Variants in PTPRQ observed in about 807,000 individuals in gnomAD.
PTPRQ encodes phosphatidylinositol phosphatase PTPRQ.
PTPRQ carries 199 observed loss-of-function variants against 246.0 expected under a neutral mutation model. That is an observed-to-expected ratio of 0.81 (90% CI 0.72 to 0.91). The LOEUF (loss-of-function observed/expected upper bound fraction) is 0.91. Ranked by LOEUF, PTPRQ falls within the 40% of genes least tolerant of loss-of-function variation. PTPRQ has a pLI of 0.00. For missense variants in PTPRQ, 2,624 were observed against 2,528.4 expected (o/e 1.04, Z -0.81); for synonymous variants, 869 against 853.2 (o/e 1.02, Z -0.32).
At chr12:80,540,396 T>G (rs1307477243) in intron 20 of PTPRQ, among the ~76,000 whole-genome samples, 1 of 152,126 alleles carries the variant, frequency 6.6e-6, no homozygotes, top group African/African-American at 2.4e-5. Flanking sequence ...ACTCCAGAAG[T>G]TTCTCGTATG....
chr12:80,578,636 G>T (rs868517259), intron 25 of PTPRQ, among the ~76,000 whole-genome samples: 1 of 151,962 alleles, frequency 6.6e-6, no homozygotes, highest in South Asian at 2.1e-4. Context: ...CTCGTGATCC[G>T]CCCGCCTTGG....
In PTPRQ at chr12:80,678,535, A is replaced by T. The variant is rs551440808; in HGVS notation, c.6739-67A>T. The T allele has an allele frequency of 5.5e-6, 8 of 1,446,522 alleles. No homozygotes were observed. In the East Asian group the frequency reaches 1.5e-4, roughly 28 times the overall value. 89.6% of individuals were successfully genotyped at this position (1,446,522 alleles called of 1,614,324 possible). ...ATTCAGTACTGCTTTTAGCTTTAACAATATAACTCCCTTTATGAAACTCTT... is the reference window on the plus strand; with the variant it reads ...ATTCAGTACTGCTTTTAGCTTTAACTATATAACTCCCTTTATGAAACTCTT... On this transcript the variant is annotated intron_variant, in intron 43 of 44. Transcript: ENST00000644991.
rs1370536859 is a variant in PTPRQ, at chr12:80,541,832, G to T, written c.3432G>T (p.Lys1144Asn). Residue 1144 changes from lysine to asparagine, a missense_variant, in exon 21 of 45, where the codon AAG (lysine) becomes AAT (asparagine). Lys to Asn is a moderately conservative substitution (Grantham distance 94). Coordinates refer to ENST00000644991, the MANE Select transcript of PTPRQ (RefSeq NM_001145026.2). ...SDTYTAQLYI[K>N]TEEDVPETSP... ...CCTATACTGCCCAGCTATACATCAA[G>T]ACTGAAGAAGATGGTAGGCTAGACC... 1.9e-6 allele frequency: 3 copies of T among 1,542,374 alleles called. No homozygotes were observed. The highest frequency in any genetic ancestry group is 2.4e-5 in the South Asian group (2 of 82,238).
chr12:80,528,036 A>G (rs1895740703), intron 17 of PTPRQ, among the ~76,000 whole-genome samples: 1 of 152,134 alleles, frequency 6.6e-6, no homozygotes, highest in Admixed American at 6.5e-5. Flanking sequence ...CGCTGCAGTG[A>G]GTTGTGATCA....
rs1898249349 is a variant in PTPRQ, at chr12:80,604,591, A to G, written c.4610-468A>G. On this transcript the variant is annotated intron_variant, in intron 26 of 44. Coordinates refer to ENST00000644991, the MANE Select transcript of PTPRQ (RefSeq NM_001145026.2). Reference sequence around the variant, plus strand: ...ACCCTCAGTGAAAACAATAAAATCAACTCAATTTACATTTGTAAAACAATA... The same window carrying G: ...ACCCTCAGTGAAAACAATAAAATCAGCTCAATTTACATTTGTAAAACAATA... Among the ~76,000 whole-genome samples the G allele has an allele frequency of 2.6e-5, 4 of 151,540 alleles. No homozygotes were observed. In the South Asian group the frequency reaches 8.3e-4, roughly 31 times the overall value.
intron 34 of PTPRQ, 142 bp downstream of exon 34, chr12:80,632,433 A>C (rs1386728561): frequency 2.5e-6 from 3 of 1,222,302 alleles, no homozygotes; most frequent in East Asian, 5.2e-5. Context: ...TGTATTTATC[A>C]TGTACAATAT....
Position 80,620,396 on chromosome 12 carries a change from A to G in PTPRQ, c.5612+20A>G. On this transcript the variant is annotated intron_variant, in intron 32 of 44. Coordinates refer to ENST00000644991, the MANE Select transcript of PTPRQ (RefSeq NM_001145026.2). ...ATACTTGTAAGTATAGGTTATATCT[A>G]CCATGCATTCTGTTAGCAAGCTAGT... 1 of 1,545,780 alleles carries G rather than the reference A, an allele frequency of 6.5e-7. No individual in the cohort carries two copies. Among genetic ancestry groups the G allele is most frequent in the Non-Finnish European group, 8.7e-7 (1 of 1,144,186 alleles).
At chr12:80,658,287 G>A (rs1900510775) in intron 39 of PTPRQ, among the ~76,000 whole-genome samples, 1 of 152,000 alleles carries the variant, frequency 6.6e-6, no homozygotes, top group East Asian at 1.9e-4. Flanking sequence ...CGCGGCAGAT[G>A]TTCAACTTCA....
chr12:80,603,418 C>A (rs1898207722), intron 26 of PTPRQ, among the ~76,000 whole-genome samples: 1 of 151,664 alleles, frequency 6.6e-6, no homozygotes, highest in African/African-American at 2.4e-5. Flanking sequence ...TTTAACGTAA[C>A]AATCAGGTAC....
At chr12:80,503,299 G>C (rs1281595245) in intron 14 of PTPRQ, among the ~76,000 whole-genome samples, 6 of 151,828 alleles carry the variant, frequency 4.0e-5, no homozygotes, top group African/African-American at 1.4e-4. Flanking sequence ...GGAAACACTA[G>C]AGAAGATTTA....
intron 34 of PTPRQ, chr12:80,634,645 G>A (rs1392248257): frequency 3.1e-5 from 8 of 258,942 alleles, no homozygotes; most frequent in East Asian, 2.5e-4. Context: ...AGATCACAAC[G>A]TAAGTCTTCT....
At chr12:80,601,359 G>A (rs567511404) in intron 26 of PTPRQ, among the ~76,000 whole-genome samples, 29 of 151,804 alleles carry the variant, frequency 1.9e-4, no homozygotes, top group African/African-American at 7.0e-4. Context: ...GTAAACTGTT[G>A]CTAAATGAAA....
intron 14 of PTPRQ, among the ~76,000 whole-genome samples, chr12:80,498,808 C>A (rs1285667890): frequency 6.6e-6 from 1 of 151,994 alleles, no homozygotes; most frequent in Non-Finnish European, 1.5e-5. Flanking sequence ...GTGGCCATAG[C>A]ATCAAGAACA....
At chr12:80,631,708 G>GA (rs1222396563) in intron 33 of PTPRQ, among the ~76,000 whole-genome samples, 2 of 152,164 alleles carry the variant, frequency 1.3e-5, no homozygotes, top group African/African-American at 4.8e-5. Context: ...TGTATTCTAT[G>GA]AAAGAGAGTC....
intron 35 of PTPRQ, among the ~76,000 whole-genome samples, chr12:80,635,850 C>G (rs1200258217): frequency 1.3e-5 from 2 of 152,124 alleles, no homozygotes; most frequent in East Asian, 1.9e-4. Context: ...CTTATAAGCA[C>G]AAAGTAGTTG....
At chr12:80,444,471 G>T (rs373778372) in intron 1 of PTPRQ, 72 bp downstream of exon 1, 15 of 908,752 alleles carry the variant, frequency 1.7e-5, no homozygotes, top group East Asian at 1.6e-4. Context: ...TTGAATAGTT[G>T]TTCCTTGTGA....
At chr12:80,602,428 G>T (rs938495297) in intron 26 of PTPRQ, among the ~76,000 whole-genome samples, 1 of 151,640 alleles carries the variant, frequency 6.6e-6, no homozygotes, top group East Asian at 1.9e-4. Context: ...TCAGAGACTT[G>T]GTAATTTGTA....
At chr12:80,531,383 T>G (rs1429969874) in intron 17 of PTPRQ, among the ~76,000 whole-genome samples, 7 of 152,132 alleles carry the variant, frequency 4.6e-5, no homozygotes, top group African/African-American at 1.7e-4. Flanking sequence ...TAAAACAGAT[T>G]TTAAAACTAA....
intron 8 of PTPRQ, among the ~76,000 whole-genome samples, chr12:80,476,050 T>C (rs1893800121): frequency 6.6e-6 from 1 of 150,904 alleles, no homozygotes; most frequent in African/African-American, 2.4e-5. Flanking sequence ...ATTAGCTGTT[T>C]TTTTTTTTTC....
Sources: gnomAD v4.1 joint callset for allele counts (sites outside exome capture counted in the v4.1 genomes callset) on GRCh38, gnomAD v4.1.1 for gene constraint, MANE v1.5 for transcripts, NCBI Gene and HGNC (gene_info 2026-07-23, HGNC 2026-07-21) for gene names.